The following RBBP8NL variants were observed in gnomAD, a reference collection of about 807,000 sequenced individuals.
RBBP8NL encodes the protein RBBP8 N-terminal-like protein.
In RBBP8NL, 59 loss-of-function variants were observed where a neutral mutation model predicts 62.2. The ratio of observed to expected loss-of-function variants is 0.95; its 90% CI spans 0.77 to 1.18. The LOEUF (loss-of-function observed/expected upper bound fraction) is 1.18, where lower values mean the gene tolerates loss of function less well. Ranked by LOEUF, RBBP8NL falls within the 50% of genes most tolerant of loss-of-function variation. RBBP8NL has a pLI of 0.00. For missense variants in RBBP8NL, 896 were observed against 899.5 expected (o/e 1.00, Z 0.05); for synonymous variants, 412 against 394.1 (o/e 1.05, Z -0.54).
At chr20:62,422,623 A>AGTGGGGATGGGGCCCGGG in intron 1 of RBBP8NL, among the ~76,000 whole-genome samples, 1 of 34,318 alleles carries the variant, frequency 2.9e-5, no homozygotes, top group South Asian at 1.0e-3. Context: ...TGGGGCCCGG[A>AGTGGGGATGGGGCCCGGG]GTGGGGATGG....
At chr20:62,415,473 G>T in intron 8 of RBBP8NL, 105 bp downstream of exon 8, 1 of 1,425,124 alleles carries the variant, frequency 7.0e-7, no homozygotes, top group Non-Finnish European at 9.8e-7. Flanking sequence ...GGCACATTCA[G>T]GGTTAGGCGC....
In RBBP8NL at chr20:62,414,205, C is replaced by T. The variant is rs1301846715; in HGVS notation, c.1146G>A (p.Gly382=). Residue 382 remains glycine, a synonymous_variant, in exon 10 of 14, where the codon GGG becomes GGA. Transcript: ENST00000252998. The stretch of plus-strand genomic sequence containing the variant: ...CGACTGGTAGGGAGGGCAGCATCTC[C>T]CCGGGTGTGGGCTGGCCCCTTGGCC... ...SVRPRGQPTP[G]EMLPSLPVGS... 6.2e-7 allele frequency: 1 copy of T among 1,608,356 alleles called. No individual in the cohort carries two copies. The highest frequency in any genetic ancestry group is 1.1e-5 in the South Asian group (1 of 90,348).
intron 2 of RBBP8NL, among the ~76,000 whole-genome samples, chr20:62,419,273 C>T (rs1332129553): frequency 6.6e-6 from 1 of 152,164 alleles, no homozygotes; most frequent in Non-Finnish European, 1.5e-5. Context: ...CAGCATGGGG[C>T]CTGCGGGTGG....
chr20:62,414,977 T>G, intron 9 of RBBP8NL, 144 bp downstream of exon 9: 1 of 884,346 alleles, frequency 1.1e-6, no homozygotes, highest in Non-Finnish European at 1.6e-6. Context: ...CGTGGGAACT[T>G]TGCTCCAGGC....
intron 1 of RBBP8NL, among the ~76,000 whole-genome samples, chr20:62,425,327 A>G (rs1458804706): frequency 1.3e-5 from 2 of 152,200 alleles, no homozygotes; most frequent in African/African-American, 4.8e-5. Flanking sequence ...GGCCTTGTGC[A>G]GGAGGACGCA....
chr20:62,411,337 TAGGGCCACATGGG>T (rs1414723533), intron 13 of RBBP8NL, among the ~76,000 whole-genome samples: 5 of 152,214 alleles, frequency 3.3e-5, no homozygotes, highest in African/African-American at 1.2e-4. Context: ...GCCCCCGGGC[TAGGGCCACATGGG>T]AGGGGCGCCT....
At chr20:62,425,187 C>T (rs528159402) in intron 1 of RBBP8NL, among the ~76,000 whole-genome samples, 29 of 152,284 alleles carry the variant, frequency 1.9e-4, no homozygotes, top group African/African-American at 5.8e-4. Flanking sequence ...AGTGAGCAGC[C>T]GAGGGAGACC....
chr20:62,414,080 C>T lies in RBBP8NL; in HGVS notation c.1271G>A (p.Arg424His), dbSNP rs752090106. 1.6e-5 allele frequency: 26 copies of T among 1,592,920 alleles called. 1 individual carries two copies. Among genetic ancestry groups the T allele is most frequent in the Middle Eastern group, 1.7e-4 (1 of 6,036 alleles). ...GGCTGCAGCCTCTGTCCTCTGGGCG[C>T]GGCCCGGGCCTGCAGGCTGTGTGTG... is the stretch of plus-strand genomic sequence containing the variant. ...GRHTQPAGPGRAQRTEAAATQ... is the reference protein window; with the variant it reads ...GRHTQPAGPGHAQRTEAAATQ... The change falls in exon 10 of 14, where the codon CGC (arginine) becomes CAC (histidine). Residue 424 changes from arginine (R) to histidine (H), a missense_variant. Physicochemically the swap from Arg to His is conservative, Grantham distance 29. Coordinates refer to ENST00000252998, the MANE Select transcript of RBBP8NL (RefSeq NM_080833.3).
In RBBP8NL at chr20:62,416,926, G is replaced by A. The variant is rs1988582169; in HGVS notation, c.201-54C>T. On this transcript the variant is annotated intron_variant, in intron 4 of 13. Coordinates refer to ENST00000252998, the MANE Select transcript of RBBP8NL (RefSeq NM_080833.3). ...AGGGATGGCACGGAAGCCACAGAGG[G>A]CCTGGGACACTCACTGCCCCACTGC... The A allele has an allele frequency of 5.2e-6, 7 of 1,346,768 alleles. No individual in the cohort carries two copies. The Admixed American group carries it at 1.2e-4, about 23-fold the overall frequency. The allele number at this position is 1,346,768 out of a possible 1,614,324, so 83.4% of individuals were successfully genotyped here. A position where few individuals can be genotyped will look rare whatever the true frequency, so the allele number is the denominator to read the frequency against.
chr20:62,424,638 A>G (rs1445626089), intron 1 of RBBP8NL, among the ~76,000 whole-genome samples: 1 of 152,144 alleles, frequency 6.6e-6, no homozygotes, highest in Non-Finnish European at 1.5e-5. Flanking sequence ...CTCCATGGGG[A>G]GCCTGAGGCT....
At chr20:62,413,774 G>C in intron 10 of RBBP8NL, 47 bp downstream of exon 10, 1 of 1,534,478 alleles carries the variant, frequency 6.5e-7, no homozygotes, top group South Asian at 1.3e-5. Flanking sequence ...CGGGGTGGGG[G>C]ACGTGGAGGC....
chr20:62,424,171 G>A (rs1349865854), intron 1 of RBBP8NL, among the ~76,000 whole-genome samples: 2 of 151,950 alleles, frequency 1.3e-5, no homozygotes, highest in African/African-American at 2.4e-5. Context: ...CCCACTCCCA[G>A]ACCCTCCCAC....
Position 62,417,228 on chromosome 20 carries a change from T to C in RBBP8NL, c.196A>G (p.Asn66Asp). The C allele has an allele frequency of 6.2e-7, 1 of 1,600,252 alleles. No homozygotes were observed. Among genetic ancestry groups the C allele is most frequent in the South Asian group, 1.1e-5 (1 of 88,490 alleles). The change falls in exon 4 of 14, where the codon AAC (asparagine) becomes GAC (aspartate). Residue 66 changes from asparagine (N) to aspartate (D), a missense_variant. Asn to Asp is a conservative substitution (Grantham distance 23). Transcript: ENST00000252998. ...TLKENLRVLENRLRAGLCDRC... is the reference protein window; with the variant it reads ...TLKENLRVLEDRLRAGLCDRC... ...GAGGTGTCCTCCCAGGCCCACCTGT[T>C]CTCCAGCACCCGCAGGTTCTCCTTC...
Position 62,413,806 on chromosome 20 carries a change from G to A in RBBP8NL, c.1530+15C>T. 5 of 1,583,246 alleles carry A rather than the reference G, an allele frequency of 3.2e-6. No individual in the cohort carries two copies. Among genetic ancestry groups the A allele is most frequent in the Non-Finnish European group, 4.3e-6 (5 of 1,166,234 alleles). Reference sequence around the variant, plus strand: ...AGGCTGAGGACCGGGTCTGAGCCAGGACCGGGCTCCTTACCATGGGAGTGG... The same window carrying A: ...AGGCTGAGGACCGGGTCTGAGCCAGAACCGGGCTCCTTACCATGGGAGTGG... On this transcript the variant is annotated intron_variant, in intron 10 of 13. Coordinates refer to ENST00000252998, the MANE Select transcript of RBBP8NL (RefSeq NM_080833.3).
chr20:62,419,053 A>G (rs545650408), intron 2 of RBBP8NL, among the ~76,000 whole-genome samples: 2 of 152,038 alleles, frequency 1.3e-5, no homozygotes, highest in East Asian at 1.9e-4. Context: ...TCGTGGGGGA[A>G]GTGGACAGGG....
chr20:62,418,731 G>T (rs1988636047), intron 2 of RBBP8NL, among the ~76,000 whole-genome samples: 1 of 152,200 alleles, frequency 6.6e-6, no homozygotes, highest in Non-Finnish European at 1.5e-5. Flanking sequence ...AGGGACCCTG[G>T]TGCCACAAGT....
At chr20:62,422,930 C>A (rs746154360) in intron 1 of RBBP8NL, among the ~76,000 whole-genome samples, 1 of 152,030 alleles carries the variant, frequency 6.6e-6, no homozygotes, top group Non-Finnish European at 1.5e-5. Flanking sequence ...GGCTTTGGGG[C>A]CTCCAGCCAC....
intron 4 of RBBP8NL, 128 bp downstream of exon 4, chr20:62,417,096 T>A: frequency 1.3e-6 from 1 of 755,000 alleles, no homozygotes; most frequent in South Asian, 1.8e-5. Context: ...TGTCCTGCAG[T>A]GGGGAAACCT....
intron 3 of RBBP8NL, 56 bp downstream of exon 3, chr20:62,418,367 G>T (rs1988627181): frequency 1.6e-5 from 23 of 1,474,662 alleles, no homozygotes; most frequent in Non-Finnish European, 1.9e-5. Context: ...GGCTTCAGGG[G>T]GATGAAGTGG....
Sources: gnomAD v4.1 joint callset for allele counts (sites outside exome capture counted in the v4.1 genomes callset) on GRCh38, gnomAD v4.1.1 for gene constraint, MANE v1.5 for transcripts, NCBI Gene and HGNC (gene_info 2026-07-23, HGNC 2026-07-21) for gene names.